GPATCH3: variants seen among roughly 807,000 people sequenced by gnomAD.
The protein encoded by GPATCH3 is G patch domain-containing protein 3.
GPATCH3 carries 45 observed loss-of-function variants against 53.2 expected under a neutral mutation model. The observed-to-expected ratio is 0.85, with a 90% CI of 0.67 to 1.08. GPATCH3 has a LOEUF of 1.08. Among genes scored for constraint, GPATCH3 ranks in the 50% least tolerant of loss-of-function variants. The pLI, the probability that GPATCH3 is intolerant of heterozygous loss-of-function variation, is 0.00. For missense variants in GPATCH3, 680 were observed against 687.2 expected (o/e 0.99, Z 0.12); for synonymous variants, 280 against 270.6 (o/e 1.03, Z -0.34).
chr1:26,894,973 G>C (rs1011190015), intron 2 of GPATCH3, among the ~76,000 whole-genome samples: 7 of 152,130 alleles, frequency 4.6e-5, no homozygotes, highest in Non-Finnish European at 1.0e-4. Flanking sequence ...AGGTTCAGGG[G>C]AGTAAAAAGT....
chr1:26,900,387 C>T lies in GPATCH3; in HGVS notation c.56G>A (p.Gly19Asp), dbSNP rs200926742. 64 of 1,613,894 alleles carry T rather than the reference C, an allele frequency of 4.0e-5. No individual in the cohort carries two copies. The Admixed American group carries it at 1.0e-3, about 26-fold the overall frequency. ...EEATVYLVVS[G>D]IPSVLRSAHL... ...GGCCGAGCGCAACACGGAGGGGATA[C>T]CGCTCACTACCAGGTAAACTGTCGC... The change falls in exon 1 of 7, where the codon GGT becomes GAT. Residue 19 changes from glycine (G) to aspartate (D), a missense_variant. Gly to Asp is a moderately conservative substitution (Grantham distance 94, BLOSUM62 -1). Coordinates refer to ENST00000361720, the MANE Select transcript of GPATCH3 (RefSeq NM_022078.3).
intron 1 of GPATCH3, among the ~76,000 whole-genome samples, chr1:26,898,671 C>CT (rs547852686): frequency 0.034 from 4,901 of 143,780 alleles, 112 homozygotes; most frequent in Middle Eastern, 0.063. Flanking sequence ...TTTTTTTCTT[C>CT]TTTTTTTTTT....
Position 26,890,867 on chromosome 1 carries a change from C to T in GPATCH3, c.*143G>A. ...TAAAAATGCCCCTGAGGTATAGAAC[C>T]GGCAGGCAGGCAGGCTCGGAACAAA... On this transcript the variant is annotated 3_prime_UTR_variant, in exon 7 of 7. Coordinates refer to ENST00000361720, the MANE Select transcript of GPATCH3 (RefSeq NM_022078.3). 1 of 849,402 alleles carries T rather than the reference C, an allele frequency of 1.2e-6. No individual in the cohort carries two copies. The highest frequency in any genetic ancestry group is 2.1e-6 in the Non-Finnish European group (1 of 483,386). 52.6% of individuals were successfully genotyped at this position (849,402 alleles called of 1,614,324 possible). A position where few individuals can be genotyped will look rare whatever the true frequency, so the allele number is the denominator to read the frequency against.
chr1:26,897,743 A>C lies in GPATCH3; in HGVS notation c.452-18T>G, dbSNP rs921031059. On this transcript the variant is annotated intron_variant, in intron 1 of 6. Transcript: ENST00000361720. ...GCCCAGACCTTGGAAAGGAGGGAGA[A>C]TAGATCTTGAAACCCAGAAGCCTCC... is the stretch of plus-strand genomic sequence containing the variant. 3 of 1,571,982 alleles carry C rather than the reference A, an allele frequency of 1.9e-6. No homozygotes were observed. The highest frequency in any genetic ancestry group is 1.7e-4 in the Middle Eastern group (1 of 5,748).
chr1:26,894,651 T>G (rs2081943140), intron 2 of GPATCH3, among the ~76,000 whole-genome samples: 1 of 152,126 alleles, frequency 6.6e-6, no homozygotes, highest in Non-Finnish European at 1.5e-5. Flanking sequence ...GTTCCCTGCC[T>G]GAAATACCCA....
At chr1:26,893,100 C>T (rs1434394262) in intron 4 of GPATCH3, among the ~76,000 whole-genome samples, 1 of 152,188 alleles carries the variant, frequency 6.6e-6, no homozygotes, top group Non-Finnish European at 1.5e-5. Flanking sequence ...TAAACCCTTA[C>T]TAGAGCCTGA....
Position 26,892,654 on chromosome 1 carries a change from C to G in GPATCH3, c.1233+16G>C. ...AAAAGAGAGGGGTCCATGGGGTGGG[C>G]ACAGTGCTAACTCACCTTGGTGTGG... is the stretch of plus-strand genomic sequence containing the variant. On this transcript the variant is annotated intron_variant, in intron 5 of 6. Transcript: ENST00000361720. The G allele has an allele frequency of 1.9e-6, 3 of 1,613,954 alleles. No homozygotes were observed. In the African/African-American group the frequency reaches 4.0e-5, roughly 22 times the overall value.
intron 2 of GPATCH3, among the ~76,000 whole-genome samples, chr1:26,895,366 A>G (rs1473733914): frequency 3.3e-5 from 5 of 151,990 alleles, no homozygotes; most frequent in African/African-American, 1.2e-4. Context: ...CTCTACAAAA[A>G]ATACAAAAAT....
intron 1 of GPATCH3, among the ~76,000 whole-genome samples, chr1:26,898,628 C>T (rs967548058): frequency 6.6e-6 from 1 of 152,098 alleles, no homozygotes; most frequent in South Asian, 2.1e-4. Flanking sequence ...CGATGTGTTC[C>T]AGCCACACCA....
In GPATCH3 at chr1:26,890,799, T is replaced by A; in HGVS notation, c.*211A>T. Reference sequence around the variant, plus strand: ...TTAGAGACCAAAGACAAGCGGTCGTTACCCCTAATATCCAAGGGGAGGGGA... The same window carrying A: ...TTAGAGACCAAAGACAAGCGGTCGTAACCCCTAATATCCAAGGGGAGGGGA... On this transcript the variant is annotated 3_prime_UTR_variant, in exon 7 of 7. Coordinates refer to ENST00000361720, the MANE Select transcript of GPATCH3 (RefSeq NM_022078.3). 3.9e-6 allele frequency: 3 copies of A among 765,498 alleles called. No homozygotes were observed. In the South Asian group the frequency reaches 4.1e-5, roughly 10 times the overall value. 47.4% of individuals were successfully genotyped at this position (765,498 alleles called of 1,614,324 possible).
In GPATCH3 at chr1:26,890,875, A is replaced by G. The variant is rs745721698; in HGVS notation, c.*135T>C. 1.1e-6 allele frequency: 1 copy of G among 877,448 alleles called. No individual in the cohort carries two copies. Among genetic ancestry groups the G allele is most frequent in the South Asian group, 1.3e-5 (1 of 75,608 alleles). The allele number at this position is 877,448 out of a possible 1,614,324, so 54.4% of individuals were successfully genotyped here. The stretch of plus-strand genomic sequence containing the variant: ...CCCCTGAGGTATAGAACCGGCAGGC[A>G]GGCAGGCTCGGAACAAAACACCCTG... On this transcript the variant is annotated 3_prime_UTR_variant, in exon 7 of 7. Coordinates refer to ENST00000361720, the MANE Select transcript of GPATCH3 (RefSeq NM_022078.3).
chr1:26,899,989 T>C lies in GPATCH3; in HGVS notation c.451+3A>G, dbSNP rs199841851. On this transcript the variant is annotated splice_donor_region_variant and intron_variant, in intron 1 of 6. Transcript: ENST00000361720. Reference sequence around the variant, plus strand: ...CCCAGTCTATTAACTTTCTCACTCTTACCTGATGCCTCCGTAGGTAGCCGA... The same window carrying C: ...CCCAGTCTATTAACTTTCTCACTCTCACCTGATGCCTCCGTAGGTAGCCGA... 952 of 1,613,984 alleles carry C rather than the reference T, an allele frequency of 5.9e-4. No homozygotes were observed. The highest frequency in any genetic ancestry group is 7.9e-4 in the Non-Finnish European group (936 of 1,179,926).
chr1:26,899,340 G>C (rs577120625), intron 1 of GPATCH3, among the ~76,000 whole-genome samples: 5 of 152,306 alleles, frequency 3.3e-5, no homozygotes, highest in African/African-American at 1.2e-4. Flanking sequence ...AGAGGGGTAA[G>C]AAAACAAAAG....
intron 5 of GPATCH3, 46 bp from the exon 6 acceptor site, chr1:26,892,584 G>A: frequency 4.4e-6 from 7 of 1,606,762 alleles, no homozygotes; most frequent in Non-Finnish European, 6.0e-6. Flanking sequence ...CTCCTGCTGG[G>A]AGCAGGGAGA....
intron 1 of GPATCH3, among the ~76,000 whole-genome samples, chr1:26,899,144 C>A (rs2081963654): frequency 6.6e-6 from 1 of 152,234 alleles, no homozygotes; most frequent in African/African-American, 2.4e-5. Flanking sequence ...TTAGTTTCTC[C>A]CTTCTCTGTC....
chr1:26,893,516 A>G, intron 3 of GPATCH3, 68 bp from the exon 4 acceptor site: 1 of 876,968 alleles, frequency 1.1e-6, no homozygotes, highest in African/African-American at 1.8e-5. Context: ...AGTTAAACCT[A>G]GAGTTTTTTT....
intron 6 of GPATCH3, among the ~76,000 whole-genome samples, chr1:26,891,713 A>AT (rs936195763): frequency 3.8e-4 from 52 of 136,998 alleles, no homozygotes; most frequent in Middle Eastern, 4.0e-3. Context: ...TGCCCAGCTA[A>AT]TTTTTTTTTT....
At chr1:26,891,953 C>T (rs560430836) in intron 6 of GPATCH3, among the ~76,000 whole-genome samples, 5 of 152,172 alleles carry the variant, frequency 3.3e-5, no homozygotes, top group South Asian at 2.1e-4. Flanking sequence ...GTGATCCACC[C>T]GCCTCAGCCT....
intron 1 of GPATCH3, among the ~76,000 whole-genome samples, chr1:26,899,754 G>A (rs534130891): frequency 6.6e-6 from 1 of 152,350 alleles, no homozygotes; most frequent in African/African-American, 2.4e-5. Flanking sequence ...CCCTTGGATA[G>A]AGAAAGGGTC....
Sources: gnomAD v4.1 joint callset for allele counts (sites outside exome capture counted in the v4.1 genomes callset) on GRCh38, gnomAD v4.1.1 for gene constraint, MANE v1.5 for transcripts, NCBI Gene and HGNC (gene_info 2026-07-23, HGNC 2026-07-21) for gene names.